KCNN2: variants seen among roughly 807,000 people sequenced by gnomAD.
KCNN2 encodes small conductance calcium-activated potassium channel protein 2.
A neutral mutation model predicts 55.5 loss-of-function variants in KCNN2; 24 were observed. That is an observed-to-expected ratio of 0.43 (90% CI 0.31 to 0.61). The LOEUF (loss-of-function observed/expected upper bound fraction) is 0.61, where lower values mean the gene tolerates loss of function less well. KCNN2 is among the 20% of genes least tolerant of loss of function. The probability of loss-of-function intolerance (pLI) is 0.08; values close to 1 mark genes in which losing one functional copy is unlikely to be tolerated. For synonymous variants in KCNN2, 431 were observed against 336.1 expected (o/e 1.28, Z -3.09); for missense variants, 754 against 853.6 (o/e 0.88, Z 1.45).
chr5:114,300,194 G>T (rs11241273), intron 2 of KCNN2, among the ~76,000 whole-genome samples: 24,522 of 152,060 alleles, frequency 0.16, 3,503 homozygotes, highest in East Asian at 0.81. Context: ...GCCAAGTTTT[G>T]AAAATTCCCC....
intron 1 of KCNN2, among the ~76,000 whole-genome samples, chr5:114,089,056 C>T (rs978954843): frequency 2.0e-4 from 31 of 152,020 alleles, no homozygotes; most frequent in African/African-American, 7.0e-4. Context: ...TATCACCTGT[C>T]GTTTTGGAGC....
chr5:114,060,738 T>C (rs1460748037), intron 1 of KCNN2, among the ~76,000 whole-genome samples: 1 of 152,202 alleles, frequency 6.6e-6, no homozygotes, highest in Non-Finnish European at 1.5e-5. Flanking sequence ...TACTGTATAG[T>C]GTAGTTGTGA....
intron 1 of KCNN2, among the ~76,000 whole-genome samples, chr5:114,105,751 A>G (rs1394654892): frequency 2.0e-5 from 3 of 152,000 alleles, no homozygotes; most frequent in African/African-American, 7.2e-5. Flanking sequence ...AGTCCTGAGG[A>G]AAGTTCATGA....
chr5:114,238,981 C>G (rs982199625), intron 2 of KCNN2, among the ~76,000 whole-genome samples: 16 of 152,224 alleles, frequency 1.1e-4, no homozygotes, highest in Middle Eastern at 3.4e-3. Context: ...CCTGGTGGTA[C>G]AGCATGCTCA....
chr5:114,270,691 GA>G (rs1755309650), intron 2 of KCNN2, among the ~76,000 whole-genome samples: 1 of 152,140 alleles, frequency 6.6e-6, no homozygotes, highest in African/African-American at 2.4e-5. Flanking sequence ...ATAGACCTGA[GA>G]AATCTGTCAC....
At chr5:114,306,700 CT>C (rs1245549186) in intron 2 of KCNN2, among the ~76,000 whole-genome samples, 45,173 of 114,976 alleles carry the variant, frequency 0.39, 5,534 homozygotes, top group East Asian at 0.67. Flanking sequence ...TTTTTTTTTT[CT>C]TTTTTTTTTT....
chr5:114,476,725 G>C (rs1406786207), intron 5 of KCNN2, among the ~76,000 whole-genome samples: 1 of 152,060 alleles, frequency 6.6e-6, no homozygotes, highest in East Asian at 1.9e-4. Context: ...CTGGCCGACA[G>C]ATCCATTTAG....
intron 1 of KCNN2, among the ~76,000 whole-genome samples, chr5:114,127,971 T>C (rs556534747): frequency 6.6e-6 from 1 of 152,282 alleles, no homozygotes; most frequent in African/African-American, 2.4e-5. Flanking sequence ...GCTTGGACTT[T>C]ATTGTGTATA....
chr5:114,293,218 T>C (rs1755933980), intron 2 of KCNN2, among the ~76,000 whole-genome samples: 3 of 152,156 alleles, frequency 2.0e-5, no homozygotes, highest in Non-Finnish European at 4.4e-5. Context: ...GCCAGCACTT[T>C]CAACACTATG....
At chr5:114,059,061 A>G (rs1358916751) in intron 1 of KCNN2, among the ~76,000 whole-genome samples, 1 of 152,162 alleles carries the variant, frequency 6.6e-6, no homozygotes, top group African/African-American at 2.4e-5. Context: ...TCTGCAGGCC[A>G]GCAATAGCCT....
At chr5:114,161,534 T>C (rs1174726678) in intron 1 of KCNN2, among the ~76,000 whole-genome samples, 4 of 152,080 alleles carry the variant, frequency 2.6e-5, no homozygotes, top group Non-Finnish European at 4.4e-5. Context: ...ATTTCCTGAA[T>C]TTGAATGTTG....
At chr5:114,263,973 C>T (rs1341906500) in intron 2 of KCNN2, among the ~76,000 whole-genome samples, 1 of 152,192 alleles carries the variant, frequency 6.6e-6, no homozygotes, top group Non-Finnish European at 1.5e-5. Context: ...GAGCTTCTTT[C>T]TCAAGGGCAT....
chr5:114,286,283 G>A (rs773532716), intron 2 of KCNN2, among the ~76,000 whole-genome samples: 125 of 152,178 alleles, frequency 8.2e-4, no homozygotes, highest in Non-Finnish European at 2.8e-4. Flanking sequence ...AGAGAAGAAG[G>A]TGATGGGTTT....
intron 2 of KCNN2, among the ~76,000 whole-genome samples, chr5:114,234,095 AAC>A (rs1211820280): frequency 2.0e-5 from 3 of 151,574 alleles, no homozygotes; most frequent in African/African-American, 7.3e-5. Context: ...AGTTATTTAT[AAC>A]AGTCTCCTTT....
At chr5:114,382,126 G>A (rs1758143186) in intron 2 of KCNN2, among the ~76,000 whole-genome samples, 1 of 152,176 alleles carries the variant, frequency 6.6e-6, no homozygotes, top group South Asian at 2.1e-4. Flanking sequence ...ATCAGAAATA[G>A]GCTTTGAAAA....
chr5:114,448,089 T>G (rs1760493436), intron 3 of KCNN2, among the ~76,000 whole-genome samples: 1 of 152,212 alleles, frequency 6.6e-6, no homozygotes, highest in Admixed American at 6.5e-5. Flanking sequence ...GTGATTTATG[T>G]AGTGATTTTT....
chr5:114,305,002 T>A (rs1756239568), intron 2 of KCNN2, among the ~76,000 whole-genome samples: 1 of 152,152 alleles, frequency 6.6e-6, no homozygotes, highest in South Asian at 2.1e-4. Context: ...TTTTTTAAGA[T>A]TATATCAGTC....
chr5:114,176,771 TAG>T (rs1419240553), intron 1 of KCNN2, among the ~76,000 whole-genome samples: 1 of 152,174 alleles, frequency 6.6e-6, no homozygotes, highest in Non-Finnish European at 1.5e-5. Flanking sequence ...AAAGGGATAT[TAG>T]ATACAGAACT....
At chr5:114,163,434 T>C (rs1346111929) in intron 1 of KCNN2, among the ~76,000 whole-genome samples, 1 of 152,204 alleles carries the variant, frequency 6.6e-6, no homozygotes, top group Non-Finnish European at 1.5e-5. Context: ...TAGTTATATA[T>C]GGCTGTTATT....
Sources: allele counts gnomAD v4.1 joint callset (sites outside exome capture counted in the v4.1 genomes callset), GRCh38; gene constraint gnomAD v4.1.1; transcripts MANE v1.5; gene names NCBI Gene and HGNC (gene_info 2026-07-23, HGNC 2026-07-21).